MAP4K3: variants seen among roughly 807,000 people sequenced by gnomAD.
MAP4K3 encodes mitogen-activated protein kinase kinase kinase kinase 3.
In MAP4K3, 94 loss-of-function variants were observed where a neutral mutation model predicts 143.5. The observed-to-expected ratio is 0.65, with a 90% CI of 0.55 to 0.78. The LOEUF (loss-of-function observed/expected upper bound fraction) is 0.78. Ranked by LOEUF, MAP4K3 falls within the 30% of genes least tolerant of loss-of-function variation. The pLI is 0.00. For missense variants in MAP4K3, 1,077 were observed against 1,068.1 expected (o/e 1.01, Z -0.12); for synonymous variants, 416 against 347.2 (o/e 1.20, Z -2.20).
chr2:39,370,600 G>A lies in MAP4K3; in HGVS notation c.154+7466C>T, dbSNP rs530720450. On this transcript the variant is annotated intron_variant, in intron 2 of 33. Coordinates refer to ENST00000263881, the MANE Select transcript of MAP4K3 (RefSeq NM_003618.4). ...AATAAGGTCTTATTGGTACTTTTTT[G>A]CACTTTTAAAATTTAGCTTTACAAT... 2.0e-5 allele frequency among the ~76,000 whole-genome samples: 3 copies of A among 152,202 alleles called. No individual in the cohort carries two copies. The East Asian group carries it at 5.8e-4, about 29-fold the overall frequency.
At chr2:39,285,427 T>C (rs766228501) in intron 21 of MAP4K3, among the ~76,000 whole-genome samples, 1 of 152,234 alleles carries the variant, frequency 6.6e-6, no homozygotes, top group Non-Finnish European at 1.5e-5. Context: ...TTTTATACTG[T>C]GTTACAGTCA....
At chr2:39,304,743 G>T (rs1303465353) in intron 15 of MAP4K3, among the ~76,000 whole-genome samples, 2 of 152,146 alleles carry the variant, frequency 1.3e-5, no homozygotes, top group African/African-American at 4.8e-5. Context: ...GACTCAAACA[G>T]ATATTTGTAT....
chr2:39,332,615 T>C (rs1683717557), intron 7 of MAP4K3, among the ~76,000 whole-genome samples: 1 of 152,068 alleles, frequency 6.6e-6, no homozygotes, highest in Admixed American at 6.6e-5. Context: ...AAGTAAGATA[T>C]ATTATAAATA....
intron 24 of MAP4K3, among the ~76,000 whole-genome samples, chr2:39,276,329 C>G (rs1681252024): frequency 6.6e-6 from 1 of 152,226 alleles, no homozygotes; most frequent in Non-Finnish European, 1.5e-5. Context: ...CACCCAGTCA[C>G]TCAAGTGGAA....
At chr2:39,324,334 G>A (rs1339499703) in intron 12 of MAP4K3, among the ~76,000 whole-genome samples, 1 of 151,956 alleles carries the variant, frequency 6.6e-6, no homozygotes, top group Non-Finnish European at 1.5e-5. Flanking sequence ...TTGAACCCAG[G>A]AGGCAGAGGC....
chr2:39,368,680 G>GA (rs370294804), intron 2 of MAP4K3, among the ~76,000 whole-genome samples: 60 of 144,344 alleles, frequency 4.2e-4, no homozygotes, highest in South Asian at 2.0e-3. Context: ...AAAAGAAAAA[G>GA]AAAAAAAAAA....
chr2:39,270,056 T>C (rs1680948419), intron 26 of MAP4K3, among the ~76,000 whole-genome samples: 1 of 152,162 alleles, frequency 6.6e-6, no homozygotes, highest in African/African-American at 2.4e-5. Context: ...AAGTTTAATG[T>C]TCCTGTCCAC....
At chr2:39,345,877 G>T (rs1450179376) in intron 3 of MAP4K3, among the ~76,000 whole-genome samples, 1 of 125,570 alleles carries the variant, frequency 8.0e-6, no homozygotes, top group Admixed American at 1.0e-4. Flanking sequence ...AGCAGAGATC[G>T]TTCCACTGCA....
intron 1 of MAP4K3, among the ~76,000 whole-genome samples, chr2:39,416,222 T>C (rs1051665137): frequency 6.6e-6 from 1 of 151,512 alleles, no homozygotes; most frequent in Non-Finnish European, 1.5e-5. Context: ...AACTTCAGAA[T>C]AACTAAGCCT....
At chr2:39,417,355 G>T (rs1382903121) in intron 1 of MAP4K3, among the ~76,000 whole-genome samples, 3 of 152,100 alleles carry the variant, frequency 2.0e-5, no homozygotes, top group African/African-American at 7.2e-5. Flanking sequence ...GAATAGCTGG[G>T]ACTACAGGCG....
chr2:39,420,369 T>C (rs1667512164), intron 1 of MAP4K3, among the ~76,000 whole-genome samples: 1 of 152,238 alleles, frequency 6.6e-6, no homozygotes, highest in Admixed American at 6.5e-5. Context: ...CAAATGTCAC[T>C]ATTCAAAGGT....
chr2:39,406,186 C>A (rs1483541148), intron 1 of MAP4K3, among the ~76,000 whole-genome samples: 1 of 151,446 alleles, frequency 6.6e-6, no homozygotes, highest in Non-Finnish European at 1.5e-5. Context: ...TATTTGAAAA[C>A]AGAGGAGACA....
intron 1 of MAP4K3, among the ~76,000 whole-genome samples, chr2:39,386,958 G>T (rs1666522269): frequency 6.6e-6 from 1 of 151,854 alleles, no homozygotes; most frequent in East Asian, 1.9e-4. Flanking sequence ...TGGGACTGCA[G>T]GTGTGCCACC....
intron 1 of MAP4K3, among the ~76,000 whole-genome samples, chr2:39,396,019 T>C (rs1048493094): frequency 6.6e-6 from 1 of 152,072 alleles, no homozygotes; most frequent in Non-Finnish European, 1.5e-5. Flanking sequence ...AAATACAGGT[T>C]TGGTTTTTGG....
At chr2:39,289,878 A>G (rs1168848517) in intron 19 of MAP4K3, among the ~76,000 whole-genome samples, 1 of 152,252 alleles carries the variant, frequency 6.6e-6, no homozygotes, top group Non-Finnish European at 1.5e-5. Context: ...TGAGGTCAGG[A>G]GTTTGAGCCA....
At chr2:39,383,626 T>A (rs1033373542) in intron 1 of MAP4K3, among the ~76,000 whole-genome samples, 7 of 151,940 alleles carry the variant, frequency 4.6e-5, no homozygotes, top group Admixed American at 2.6e-4. Context: ...GAATTATTAA[T>A]AATTCTACCA....
intron 1 of MAP4K3, among the ~76,000 whole-genome samples, chr2:39,432,135 A>G (rs774273887): frequency 2.0e-5 from 3 of 152,242 alleles, no homozygotes; most frequent in Non-Finnish European, 2.9e-5. Context: ...CTCACAGTTC[A>G]TAACACATTT....
At chr2:39,312,335 G>C (rs564044569) in intron 13 of MAP4K3, among the ~76,000 whole-genome samples, 7 of 151,970 alleles carry the variant, frequency 4.6e-5, no homozygotes, top group Admixed American at 1.3e-4. Flanking sequence ...TACAAGCAGA[G>C]GAAAAAATAC....
chr2:39,388,260 C>A (rs1437256537), intron 1 of MAP4K3, among the ~76,000 whole-genome samples: 4 of 152,198 alleles, frequency 2.6e-5, no homozygotes, highest in Admixed American at 6.5e-5. Flanking sequence ...TGCGTAAACA[C>A]CTTCCAAGAT....
Sources: gnomAD v4.1 joint callset for allele counts (sites outside exome capture counted in the v4.1 genomes callset) on GRCh38, gnomAD v4.1.1 for gene constraint, MANE v1.5 for transcripts, NCBI Gene and HGNC (gene_info 2026-07-23, HGNC 2026-07-21) for gene names.